Variants in PRPF4 observed in about 807,000 individuals in gnomAD.
The protein encoded by PRPF4 is pre-mRNA splicing tri-snRNP complex factor PRPF4, also known as U4/U6 small nuclear ribonucleoprotein Prp4.
PRPF4 carries 14 observed loss-of-function variants against 72.2 expected under a neutral mutation model. That is an observed-to-expected ratio of 0.19 (90% CI 0.13 to 0.30). The LOEUF is 0.30. PRPF4 is among the 10% of genes least tolerant of loss of function. PRPF4 has a pLI of 1.00. For missense variants in PRPF4, 478 were observed against 653.9 expected (o/e 0.73, Z 2.93); for synonymous variants, 225 against 232.2 (o/e 0.97, Z 0.28).
At chr9:113,282,833 G>A (rs1384692628) in intron 4 of PRPF4, 100 bp downstream of exon 4, 2 of 1,142,668 alleles carry the variant, frequency 1.8e-6, no homozygotes, top group Admixed American at 2.4e-5. Flanking sequence ...GAGATGTTGG[G>A]GGAAATGTTT....
intron 7 of PRPF4, 68 bp from the exon 8 acceptor site, chr9:113,286,164 A>G (rs759002425): frequency 6.5e-7 from 1 of 1,535,366 alleles, no homozygotes. Context: ...TCCTTTAGTA[A>G]TATTACCAAG....
intron 10 of PRPF4, among the ~76,000 whole-genome samples, chr9:113,289,379 G>A (rs1832542566): frequency 6.6e-6 from 1 of 152,184 alleles, no homozygotes; most frequent in Non-Finnish European, 1.5e-5. Context: ...GGTATGAGAT[G>A]TATATTTAAC....
At chr9:113,277,603 C>T (rs1168665660) in intron 2 of PRPF4, among the ~76,000 whole-genome samples, 1 of 152,162 alleles carries the variant, frequency 6.6e-6, no homozygotes, top group Non-Finnish European at 1.5e-5. Context: ...CCAGGCTGGT[C>T]TCCAACTCCT....
chr9:113,290,835 GA>G, intron 12 of PRPF4, 28 bp downstream of exon 12: 2 of 1,612,268 alleles, frequency 1.2e-6, no homozygotes, highest in Non-Finnish European at 8.5e-7. Context: ...AATGAGGGGC[GA>G]AAAAGGGTTC....
In PRPF4 at chr9:113,291,020, A is replaced by G; in HGVS notation, c.1372+4A>G. 1 of 1,608,086 alleles carries G rather than the reference A, an allele frequency of 6.2e-7. No individual in the cohort carries two copies. The highest frequency in any genetic ancestry group is 8.5e-7 in the Non-Finnish European group (1 of 1,174,466). On this transcript the variant is annotated splice_donor_region_variant and intron_variant, in intron 13 of 13. Coordinates refer to ENST00000374198, the MANE Select transcript of PRPF4 (RefSeq NM_001244926.2). ...GTGACTGGTGTCAAGTTTGAGCGTA[A>G]GCTTTCCTCCTATTTTACGTCTAAA...
At position 113,282,649 on chromosome 9, in the gene PRPF4, A is replaced by G; in HGVS notation, c.396A>G (p.Leu132=). Residue 132 remains leucine (L), a synonymous_variant, in exon 4 of 14, where the codon TTA becomes TTG. Coordinates refer to ENST00000374198, the MANE Select transcript of PRPF4 (RefSeq NM_001244926.2). The part of the protein sequence containing the change: ...GEGPAERRER[L]RNILSVVGTD... Reference sequence around the variant, plus strand: ...TCTTTTTTTTTTTTTTTAACAGGTTAAGAAATATCCTCTCAGTTGTCGGTA... The same window carrying G: ...TCTTTTTTTTTTTTTTTAACAGGTTGAGAAATATCCTCTCAGTTGTCGGTA... The G allele has an allele frequency of 6.3e-7, 1 of 1,583,774 alleles. No homozygotes were observed. Among genetic ancestry groups the G allele is most frequent in the East Asian group, 2.2e-5 (1 of 44,516 alleles).
At chr9:113,285,419 G>T (rs748326256) in intron 7 of PRPF4, among the ~76,000 whole-genome samples, 1 of 125,160 alleles carries the variant, frequency 8.0e-6, no homozygotes, top group African/African-American at 3.1e-5. Flanking sequence ...CACACTTTCG[G>T]CCAGGCTGGA....
intron 10 of PRPF4, among the ~76,000 whole-genome samples, chr9:113,288,743 G>C (rs1295078493): frequency 6.6e-6 from 1 of 151,984 alleles, no homozygotes; most frequent in Non-Finnish European, 1.5e-5. Context: ...AGCCATATTT[G>C]CCTTTAAATT....
intron 8 of PRPF4, 147 bp downstream of exon 8, chr9:113,286,437 C>G: frequency 4.5e-6 from 4 of 884,976 alleles, no homozygotes; most frequent in Non-Finnish European, 7.2e-6. Flanking sequence ...CAAGACTGGA[C>G]TATCACAACT....
chr9:113,283,083 G>T, intron 4 of PRPF4, 49 bp from the exon 5 acceptor site: 1 of 1,613,622 alleles, frequency 6.2e-7, no homozygotes, highest in Non-Finnish European at 8.5e-7. Flanking sequence ...GTTATAAGAG[G>T]AGTAGAATGC....
intron 6 of PRPF4, 50 bp downstream of exon 6, chr9:113,283,532 A>G: frequency 6.3e-7 from 1 of 1,598,678 alleles, no homozygotes; most frequent in Non-Finnish European, 8.6e-7. Context: ...CTTCATGTTT[A>G]TTTGATTTTT....
chr9:113,282,838 A>G (rs949193420), intron 4 of PRPF4, 105 bp downstream of exon 4: 2 of 1,102,694 alleles, frequency 1.8e-6, no homozygotes, highest in South Asian at 3.0e-5. Flanking sequence ...GTTGGGGGAA[A>G]TGTTTTTGAA....
At chr9:113,290,312 TTGTTTA>T (rs1416144459) in intron 10 of PRPF4, among the ~76,000 whole-genome samples, 148 bp from the exon 11 acceptor site, 1 of 152,240 alleles carries the variant, frequency 6.6e-6, no homozygotes, top group Admixed American at 6.5e-5. Context: ...TGTTGAGTCA[TTGTTTA>T]TGTCAGAAAG....
In PRPF4 at chr9:113,290,872, A is replaced by G. The variant is rs746313620; in HGVS notation, c.1254-26A>G. On this transcript the variant is annotated intron_variant, in intron 12 of 13. Transcript: ENST00000374198. ...TGGGTCAGTAAGTACTCTATTTCTAACTTCAATACTGCATCCAATCCACAG... is the reference window on the plus strand; with the variant it reads ...TGGGTCAGTAAGTACTCTATTTCTAGCTTCAATACTGCATCCAATCCACAG... 1.4e-5 allele frequency: 23 copies of G among 1,612,788 alleles called. 1 individual carries two copies. The South Asian group carries it at 2.2e-4, about 15-fold the overall frequency.
chr9:113,286,672 A>G (rs1280892997), intron 8 of PRPF4, 33 bp from the exon 9 acceptor site: 1 of 1,613,932 alleles, frequency 6.2e-7, no homozygotes. Context: ...AGAGGCAGGA[A>G]CCTTTTAACT....
chr9:113,275,802 CAGGGAGCGCTA>C (rs1446528502), intron 1 of PRPF4, 32 bp downstream of exon 1: 5 of 1,609,034 alleles, frequency 3.1e-6, no homozygotes, highest in Non-Finnish European at 4.2e-6. Flanking sequence ...CTCACTCTGG[CAGGGAGCGCTA>C]AGGGGGAAGG....
intron 2 of PRPF4, among the ~76,000 whole-genome samples, chr9:113,278,258 A>G (rs180823391): frequency 3.5e-4 from 53 of 152,398 alleles, no homozygotes; most frequent in African/African-American, 9.4e-4. Context: ...AGAAATTCAG[A>G]CAATGCCAAA....
chr9:113,275,715 G>C lies in PRPF4; in HGVS notation c.-29G>C, dbSNP rs762010635. On this transcript the variant is annotated 5_prime_UTR_variant, in exon 1 of 14. Transcript: ENST00000374198. ...GTCTGAAAGGGAGTGTTCGGGTTTC[G>C]CTGGGGCCTCGCGGCTCCAGAGCCC... The C allele has an allele frequency of 3.7e-6, 6 of 1,607,066 alleles. No individual in the cohort carries two copies. In the African/African-American group the frequency reaches 8.1e-5, roughly 22 times the overall value.
At chr9:113,288,060 A>C in intron 9 of PRPF4, 115 bp from the exon 10 acceptor site, 2 of 876,554 alleles carry the variant, frequency 2.3e-6, no homozygotes, top group South Asian at 1.8e-5. Context: ...TTACAAGTGT[A>C]GTTACAATTT....
Sources: gnomAD v4.1 joint callset for allele counts (sites outside exome capture counted in the v4.1 genomes callset) on GRCh38, gnomAD v4.1.1 for gene constraint, MANE v1.5 for transcripts, NCBI Gene and HGNC (gene_info 2026-07-23, HGNC 2026-07-21) for gene names.